Variants in RAB2A observed in about 807,000 individuals in gnomAD.
The protein encoded by RAB2A is ras-related protein Rab-2A.
Under a neutral mutation model 32.5 loss-of-function variants are expected in RAB2A, and 7 were observed. The observed-to-expected ratio is 0.22, with a 90% CI of 0.12 to 0.40. The LOEUF (loss-of-function observed/expected upper bound fraction) is 0.40, where lower values mean the gene tolerates loss of function less well. Among genes scored for constraint, RAB2A ranks in the 10% least tolerant of loss-of-function variants. The pLI is 1.00. For synonymous variants in RAB2A, 79 were observed against 85.2 expected (o/e 0.93, Z 0.40); for missense variants, 108 against 260.7 (o/e 0.41, Z 4.03).
chr8:60,608,475 C>T (rs941522307), intron 6 of RAB2A, among the ~76,000 whole-genome samples: 16 of 140,598 alleles, frequency 1.1e-4, no homozygotes, highest in African/African-American at 4.9e-4. Flanking sequence ...CGGTCCTGCT[C>T]CCTCTCCCTC....
At chr8:60,543,848 G>A (rs1266831836) in intron 1 of RAB2A, among the ~76,000 whole-genome samples, 1 of 152,092 alleles carries the variant, frequency 6.6e-6, no homozygotes, top group African/African-American at 2.4e-5. Context: ...CCTGAGGTCA[G>A]GAGTTCGGTT....
chr8:60,551,856 A>AT (rs34092556), intron 1 of RAB2A: 19,866 of 90,340 alleles, frequency 0.22, 1,468 homozygotes, highest in Middle Eastern at 0.31. Context: ...CCATGCCTTG[A>AT]TTTTTTTTTT....
intron 4 of RAB2A, 149 bp downstream of exon 4, chr8:60,584,439 A>G (rs951289521): frequency 6.2e-5 from 42 of 672,864 alleles, no homozygotes; most frequent in African/African-American, 2.4e-4. Flanking sequence ...TAAATTTACT[A>G]CAGAAACCTG....
intron 3 of RAB2A, chr8:60,583,905 G>A (rs556730333): frequency 5.9e-5 from 14 of 237,110 alleles, no homozygotes; most frequent in Non-Finnish European, 1.1e-4. Context: ...ATAATGATTC[G>A]TGTATTGTGA....
At chr8:60,539,034 GTTT>G (rs200314323) in intron 1 of RAB2A, among the ~76,000 whole-genome samples, 6 of 151,648 alleles carry the variant, frequency 4.0e-5, no homozygotes, top group African/African-American at 1.5e-4. Flanking sequence ...GAAATTGATA[GTTT>G]TTTTTTCTTG....
chr8:60,599,385 C>T (rs186053504), intron 6 of RAB2A, among the ~76,000 whole-genome samples: 1 of 152,064 alleles, frequency 6.6e-6, no homozygotes, highest in East Asian at 1.9e-4. Context: ...ATGTTTAACA[C>T]AATTCATATC....
intron 4 of RAB2A, 40 bp from the exon 5 acceptor site, chr8:60,584,683 A>G: frequency 1.3e-6 from 2 of 1,490,950 alleles, no homozygotes; most frequent in Non-Finnish European, 1.9e-6. Flanking sequence ...ACTGAGGGAA[A>G]TGCTTTGAAC....
At chr8:60,545,938 A>C (rs1316473848) in intron 1 of RAB2A, among the ~76,000 whole-genome samples, 1 of 152,232 alleles carries the variant, frequency 6.6e-6, no homozygotes, top group Non-Finnish European at 1.5e-5. Context: ...TATTTCATGA[A>C]TACTAGCTCA....
chr8:60,562,898 G>C (rs1283329949), intron 2 of RAB2A, among the ~76,000 whole-genome samples: 3 of 152,024 alleles, frequency 2.0e-5, no homozygotes, highest in African/African-American at 7.2e-5. Flanking sequence ...CATTCATTCA[G>C]TCAAGCTAAA....
intron 3 of RAB2A, among the ~76,000 whole-genome samples, chr8:60,582,652 C>T (rs1368588141): frequency 6.6e-6 from 1 of 152,158 alleles, no homozygotes; most frequent in Non-Finnish European, 1.5e-5. Flanking sequence ...TCCCAAGTAG[C>T]TGGGGGCGTG....
At chr8:60,563,581 C>T (rs893231638) in intron 2 of RAB2A, among the ~76,000 whole-genome samples, 7 of 152,116 alleles carry the variant, frequency 4.6e-5, no homozygotes, top group Non-Finnish European at 7.4e-5. Flanking sequence ...TACTTCTCCC[C>T]GCCGTGTGAT....
chr8:60,523,680 T>C (rs1262994072), intron 1 of RAB2A, among the ~76,000 whole-genome samples: 1 of 151,738 alleles, frequency 6.6e-6, no homozygotes, highest in East Asian at 1.9e-4. Flanking sequence ...TGATATACTT[T>C]TGTTAACCTT....
chr8:60,585,346 T>C (rs13264483), intron 5 of RAB2A, among the ~76,000 whole-genome samples: 1 of 150,540 alleles, frequency 6.6e-6, no homozygotes, highest in Non-Finnish European at 1.5e-5. Context: ...AGGGACTCAC[T>C]CTGTTACCCA....
intron 2 of RAB2A, among the ~76,000 whole-genome samples, chr8:60,565,139 A>G (rs1050096413): frequency 6.6e-6 from 1 of 152,186 alleles, no homozygotes. Context: ...GCCTATAAGA[A>G]ATGATTGCTG....
chr8:60,517,197 C>A lies in RAB2A; in HGVS notation c.-11C>A, dbSNP rs1468552530. The A allele has an allele frequency of 1.3e-6, 2 of 1,487,386 alleles. No homozygotes were observed. Among genetic ancestry groups the A allele is most frequent in the Non-Finnish European group, 1.8e-6 (2 of 1,117,138 alleles). 92.1% of individuals were successfully genotyped at this position (1,487,386 alleles called of 1,614,324 possible). Reference sequence around the variant, plus strand: ...AGGAGCCGTGTGCCCTGGCACTGAGCGGCCGCGGCCATGGCGTACGCCTAT... The same window carrying A: ...AGGAGCCGTGTGCCCTGGCACTGAGAGGCCGCGGCCATGGCGTACGCCTAT... On this transcript the variant is annotated 5_prime_UTR_variant, in exon 1 of 8. Transcript: ENST00000262646.
intron 1 of RAB2A, among the ~76,000 whole-genome samples, chr8:60,550,890 G>A (rs538170951): frequency 6.6e-6 from 1 of 152,260 alleles, no homozygotes; most frequent in Middle Eastern, 3.4e-3. Flanking sequence ...CTAGGGGCAT[G>A]ACTCTCCCTG....
In RAB2A at chr8:60,620,823, C is replaced by T. The variant is rs765564723; in HGVS notation, c.*54C>T. ...GGGGCCTACTCACTTATTCTTTCAC[C>T]CCCTCTCCTCCTGCTCAGCTGAGAC... On this transcript the variant is annotated 3_prime_UTR_variant, in exon 8 of 8. Coordinates refer to ENST00000262646, the MANE Select transcript of RAB2A (RefSeq NM_002865.3). 2.0e-5 allele frequency: 28 copies of T among 1,422,146 alleles called. No individual in the cohort carries two copies. Among genetic ancestry groups the T allele is most frequent in the Non-Finnish European group, 2.6e-5 (27 of 1,038,950 alleles). The allele number at this position is 1,422,146 out of a possible 1,614,324, so 88.1% of individuals were successfully genotyped here.
chr8:60,621,445 A>G lies in RAB2A; in HGVS notation c.*676A>G, dbSNP rs1270683841. 6.6e-6 allele frequency: 1 copy of G among 152,224 alleles called. No homozygotes were observed. Among genetic ancestry groups the G allele is most frequent in the African/African-American group, 2.4e-5 (1 of 41,458 alleles). 9.4% of individuals were successfully genotyped at this position (152,224 alleles called of 1,614,324 possible). On this transcript the variant is annotated 3_prime_UTR_variant, in exon 8 of 8. Coordinates refer to ENST00000262646, the MANE Select transcript of RAB2A (RefSeq NM_002865.3). ...GAAAAATATGCTTAATGTATATTAC[A>G]AAGGCTTTGTATATGTTAACCTGTT...
At chr8:60,593,933 A>G (rs1803979987) in intron 6 of RAB2A, among the ~76,000 whole-genome samples, 1 of 151,800 alleles carries the variant, frequency 6.6e-6, no homozygotes, top group Admixed American at 6.6e-5. Flanking sequence ...ATAAAAAAAA[A>G]TACAATAATT....
Sources: gnomAD v4.1 joint callset for allele counts (sites outside exome capture counted in the v4.1 genomes callset) on GRCh38, gnomAD v4.1.1 for gene constraint, MANE v1.5 for transcripts, NCBI Gene and HGNC (gene_info 2026-07-23, HGNC 2026-07-21) for gene names.